The following IWS1 variants were observed in gnomAD, a reference collection of about 807,000 sequenced individuals.
IWS1 encodes protein IWS1 homolog.
IWS1 carries 27 observed loss-of-function variants against 86.7 expected under a neutral mutation model. The ratio of observed to expected loss-of-function variants is 0.31; its 90% CI spans 0.23 to 0.43. The LOEUF (loss-of-function observed/expected upper bound fraction) is 0.43, where lower values mean the gene tolerates loss of function less well. Ranked by LOEUF, IWS1 falls within the 20% of genes least tolerant of loss-of-function variation. The pLI is 1.00. For missense variants in IWS1, 827 were observed against 1,000.8 expected, an observed-to-expected ratio of 0.83 and a Z score of 2.34; for synonymous variants, 313 against 335.1, an observed-to-expected ratio of 0.93 and a Z score of 0.72.
chr2:127,483,176 A>G (rs969180327), intron 13 of IWS1, among the ~76,000 whole-genome samples: 1 of 152,246 alleles, frequency 6.6e-6, no homozygotes, highest in Non-Finnish European at 1.5e-5. Flanking sequence ...GTATTTTTAA[A>G]AGTTCATGAA....
chr2:127,526,253 C>A lies in IWS1; in HGVS notation c.-45G>T. The A allele has an allele frequency of 6.5e-7, 1 of 1,549,566 alleles. No homozygotes were observed. The highest frequency in any genetic ancestry group is 1.2e-5 in the South Asian group (1 of 84,182). On this transcript the variant is annotated 5_prime_UTR_variant, in exon 1 of 14. Coordinates refer to ENST00000295321, the MANE Select transcript of IWS1 (RefSeq NM_017969.3). ...GGGAGTGTCCGCGCCCCGCGCCGCC[C>A]CCGTCACCTCCTTCCAGGCGGTGTG... is the stretch of plus-strand genomic sequence containing the variant.
At position 127,493,310 on chromosome 2, in the gene IWS1, G is replaced by A; in HGVS notation, c.1900C>T (p.Arg634Trp). 1 of 1,613,032 alleles carries A rather than the reference G, an allele frequency of 6.2e-7. No individual in the cohort carries two copies. ...PDRSLPALKI[R>W]EELLKILQEL... The stretch of plus-strand genomic sequence containing the variant: ...TGCAGGATCTTCAGCAGCTCCTCCC[G>A]GATCTTGAGTGCAGGCAAACTCCTA... The change falls in exon 9 of 14, where the codon CGG becomes TGG. Residue 634 changes from arginine to tryptophan, a missense_variant. Physicochemically the swap from Arg to Trp is moderately radical, Grantham distance 101. Around this residue, in one of 2 missense-constraint regions of IWS1, gnomAD observed 279 missense variants for 440.6 expected, o/e 0.63. Coordinates refer to ENST00000295321, the MANE Select transcript of IWS1 (RefSeq NM_017969.3).
intron 1 of IWS1, among the ~76,000 whole-genome samples, chr2:127,524,303 A>T (rs532488665): frequency 6.6e-6 from 1 of 152,300 alleles, no homozygotes; most frequent in South Asian, 2.1e-4. Flanking sequence ...AACTAGTGAA[A>T]ATCCATTCAA....
chr2:127,500,346 G>A (rs1690736341), intron 5 of IWS1, among the ~76,000 whole-genome samples: 1 of 152,112 alleles, frequency 6.6e-6, no homozygotes, highest in South Asian at 2.1e-4. Flanking sequence ...ATTTCTCTTA[G>A]ATTATGGACT....
In IWS1 at chr2:127,504,723, C is replaced by T; in HGVS notation, c.1180G>A (p.Ala394Thr). 1 of 1,611,708 alleles carries T rather than the reference C, an allele frequency of 6.2e-7. No individual in the cohort carries two copies. The highest frequency in any genetic ancestry group is 1.3e-5 in the African/African-American group (1 of 74,836). Residue 394 changes from alanine to threonine, a missense_variant, in exon 3 of 14, where the codon GCT (alanine) becomes ACT (threonine). By Grantham distance (58) the Ala-to-Thr change is moderately conservative. Around this residue, in one of 2 missense-constraint regions of IWS1, gnomAD observed 548 missense variants for 560.2 expected, o/e 0.98. Coordinates refer to ENST00000295321, the MANE Select transcript of IWS1 (RefSeq NM_017969.3). ...GEEEKVAKRK[A>T]AVLSDSEDEE... ...TCTTCACTATCAGAAAGCACAGCAG[C>T]TTTTCTCTTCGCTACTTTCTCCTCC...
chr2:127,503,358 CT>C (rs2104698136), intron 4 of IWS1, 28 bp downstream of exon 4: 1 of 1,570,112 alleles, frequency 6.4e-7, no homozygotes, highest in East Asian at 2.3e-5. Flanking sequence ...TTAAGAACCC[CT>C]GAAAACTCAT....
At chr2:127,500,573 G>A (rs1690749244) in intron 5 of IWS1, among the ~76,000 whole-genome samples, 1 of 151,896 alleles carries the variant, frequency 6.6e-6, no homozygotes, top group African/African-American at 2.4e-5. Flanking sequence ...TTTACACAAA[G>A]TCCCCTTTCA....
At chr2:127,522,214 G>A (rs1692137152) in intron 2 of IWS1, among the ~76,000 whole-genome samples, 1 of 152,026 alleles carries the variant, frequency 6.6e-6, no homozygotes, top group Admixed American at 6.6e-5. Flanking sequence ...TCTCACCTTG[G>A]GGTCTTTGCC....
In IWS1 at chr2:127,503,491, G is replaced by A. The variant is rs1690924636; in HGVS notation, c.1305C>T (p.Thr435=). The change falls in exon 4 of 14, where the codon ACC becomes ACT. Residue 435 remains threonine (T), a synonymous_variant. Transcript: ENST00000295321. The stretch of plus-strand genomic sequence containing the variant: ...CTTCTTCCTCACTGTCAGATGCTAT[G>A]GTCTTCTCTCTTTTGCCTGACTTGT... ...VSDKSGKREK[T]IASDSEEEAG... is the part of the protein sequence containing the mutation. 6.2e-7 allele frequency: 1 copy of A among 1,613,354 alleles called. No individual in the cohort carries two copies. The highest frequency in any genetic ancestry group is 8.5e-7 in the Non-Finnish European group (1 of 1,179,654).
chr2:127,500,383 AATTTTTG>A (rs1441048289), intron 5 of IWS1, among the ~76,000 whole-genome samples: 12 of 151,896 alleles, frequency 7.9e-5, no homozygotes, highest in Non-Finnish European at 1.6e-4. Context: ...CAGTTCTATC[AATTTTTG>A]ATTTTTAAGT....
At chr2:127,513,927 G>A (rs1374425256) in intron 2 of IWS1, among the ~76,000 whole-genome samples, 1 of 152,180 alleles carries the variant, frequency 6.6e-6, no homozygotes, top group Non-Finnish European at 1.5e-5. Flanking sequence ...CAAATTCCTA[G>A]GCAGATAGGG....
chr2:127,488,849 C>T (rs1025559583), intron 12 of IWS1, among the ~76,000 whole-genome samples: 2 of 152,228 alleles, frequency 1.3e-5, no homozygotes, highest in Non-Finnish European at 2.9e-5. Flanking sequence ...CATGGCTTTA[C>T]CAAAGACCTC....
rs559974254 is a variant in IWS1, at chr2:127,481,231, T to C, written c.2329-56A>G. 3.8e-5 allele frequency: 58 copies of C among 1,508,500 alleles called. 1 individual carries two copies. The South Asian group carries it at 6.4e-4, about 17-fold the overall frequency. The allele number at this position is 1,508,500 out of a possible 1,614,324, so 93.4% of individuals were successfully genotyped here. A position where few individuals can be genotyped will look rare whatever the true frequency, so the allele number is the denominator to read the frequency against. On this transcript the variant is annotated intron_variant, in intron 13 of 13. Transcript: ENST00000295321. ...CTACTGAAATACGTAAGTCTAGTTA[T>C]GTCTTTCATCTTCTTATAACTGAGT... is the stretch of plus-strand genomic sequence containing the variant.
chr2:127,519,359 GTT>G (rs11336494), intron 2 of IWS1, among the ~76,000 whole-genome samples: 12 of 151,694 alleles, frequency 7.9e-5, no homozygotes, highest in Admixed American at 3.9e-4. Flanking sequence ...GAAAAAATAA[GTT>G]TTTTTTTTAA....
At chr2:127,522,219 T>C (rs866582118) in intron 2 of IWS1, among the ~76,000 whole-genome samples, 11 of 152,178 alleles carry the variant, frequency 7.2e-5, no homozygotes, top group African/African-American at 2.2e-4. Context: ...CCTTGGGGTC[T>C]TTGCCAGGGA....
At chr2:127,488,576 T>C (rs334158) in intron 12 of IWS1, among the ~76,000 whole-genome samples, 132,347 of 152,206 alleles carry the variant, frequency 0.87, 57,806 homozygotes, top group East Asian at 1. Flanking sequence ...GCTGTATCAC[T>C]GCCTCAGTCC....
chr2:127,504,137 C>T (rs911743201), intron 3 of IWS1, among the ~76,000 whole-genome samples: 1 of 152,138 alleles, frequency 6.6e-6, no homozygotes, highest in Non-Finnish European at 1.5e-5. Context: ...AAAAAGTAGA[C>T]AAGTAATACT....
At position 127,494,904 on chromosome 2, in the gene IWS1, A is replaced by C; in HGVS notation, c.1767T>G (p.Thr589=). ...NQKKPALKKL[T]LLPAVVMHLK... is the part of the protein sequence containing the mutation. ...GGTGCATAACTACAGCAGGCAGTAA[A>C]GTTAATTTTTTCAGTGCTGGCTTTT... is the stretch of plus-strand genomic sequence containing the variant. Residue 589 remains threonine, a synonymous_variant, in exon 8 of 14, where the codon ACT becomes ACG. Transcript: ENST00000295321. 1.2e-6 allele frequency: 2 copies of C among 1,605,088 alleles called. No individual in the cohort carries two copies. Among genetic ancestry groups the C allele is most frequent in the Non-Finnish European group, 8.5e-7 (1 of 1,175,032 alleles).
At chr2:127,525,139 T>TGGGGTACGGGCATGGGGGGG (rs1692330981) in intron 1 of IWS1, among the ~76,000 whole-genome samples, 1 of 103,896 alleles carries the variant, frequency 9.6e-6, no homozygotes, top group African/African-American at 4.0e-5. Flanking sequence ...GCATGGGGGG[T>TGGGGTACGGGCATGGGGGGG]GGGGGTGGTG....
Sources: gnomAD v4.1 joint callset for allele counts (sites outside exome capture counted in the v4.1 genomes callset) on GRCh38, gnomAD v4.1.1 for gene constraint, gnomAD v4.1.1 regional missense constraint, MANE v1.5 for transcripts, NCBI Gene and HGNC (gene_info 2026-07-23, HGNC 2026-07-21) for gene names.